Variants in DAB1 observed in about 807,000 individuals in gnomAD.
The protein encoded by DAB1 is disabled homolog 1.
Under a neutral mutation model 64.6 loss-of-function variants are expected in DAB1, and 15 were observed. The ratio of observed to expected loss-of-function variants is 0.23; its 90% CI spans 0.16 to 0.36. The LOEUF (loss-of-function observed/expected upper bound fraction) is 0.36, where lower values mean the gene tolerates loss of function less well. Among genes scored for constraint, DAB1 ranks in the 10% least tolerant of loss-of-function variants. The pLI is 1.00. For missense variants in DAB1, 596 were observed against 706.7 expected, an observed-to-expected ratio of 0.84 and a Z score of 1.78; for synonymous variants, 235 against 251.9, an observed-to-expected ratio of 0.93 and a Z score of 0.64.
At chr1:58,027,801 T>A (rs562250180) in intron 5 of DAB1, among the ~76,000 whole-genome samples, 2 of 152,278 alleles carry the variant, frequency 1.3e-5, no homozygotes, top group South Asian at 4.1e-4. Context: ...AAAAAAATCA[T>A]AATAATGGGT....
chr1:58,381,511 A>G (rs1222461613), intron 3 of DAB1, among the ~76,000 whole-genome samples: 1 of 152,244 alleles, frequency 6.6e-6, no homozygotes, highest in Admixed American at 6.5e-5. Flanking sequence ...ATGAAAGTCA[A>G]GAACCAGTTG....
intron 6 of DAB1, among the ~76,000 whole-genome samples, chr1:57,737,715 A>T (rs917002444): frequency 6.6e-6 from 1 of 152,188 alleles, no homozygotes; most frequent in Non-Finnish European, 1.5e-5. Flanking sequence ...GCTTTCTGAC[A>T]TGATTCTGTG....
chr1:58,300,629 AGAGAGAGAGAGAGAGAG>A (rs1662125828), intron 4 of DAB1, among the ~76,000 whole-genome samples: 10 of 59,316 alleles, frequency 1.7e-4, no homozygotes, highest in Non-Finnish European at 3.3e-4. Context: ...AGAGAGAGAG[AGAGAGAGAGAGAGAGAG>A]AGGAAGGAAG....
intron 5 of DAB1, chr1:58,048,581 C>G (rs1322504083): frequency 8.9e-6 from 9 of 1,007,324 alleles, no homozygotes; most frequent in Admixed American, 1.7e-5. Flanking sequence ...CCCACTGCCA[C>G]CATATCCACT....
At chr1:57,589,618 G>A (rs987183125) in intron 7 of DAB1, among the ~76,000 whole-genome samples, 9 of 152,010 alleles carry the variant, frequency 5.9e-5, no homozygotes, top group African/African-American at 2.2e-4. Flanking sequence ...TTAGCCAGGT[G>A]TGGTGGTGCA....
At chr1:57,155,609 T>A (rs1219098614) in intron 2 of DAB1, among the ~76,000 whole-genome samples, 1 of 152,102 alleles carries the variant, frequency 6.6e-6, no homozygotes, top group Admixed American at 6.5e-5. Flanking sequence ...AGGATTGTAT[T>A]GAATCTGGAG....
intron 7 of DAB1, among the ~76,000 whole-genome samples, chr1:57,554,290 T>C (rs182847722): frequency 2.5e-3 from 377 of 152,342 alleles, no homozygotes; most frequent in Non-Finnish European, 4.1e-3. Context: ...TGAATCCCAC[T>C]GTTCACTCTG....
chr1:57,631,302 C>T (rs1302711351), intron 7 of DAB1, among the ~76,000 whole-genome samples: 2 of 152,174 alleles, frequency 1.3e-5, no homozygotes, highest in African/African-American at 4.8e-5. Context: ...GTCTCTTCAC[C>T]ATTCTTCTGA....
intron 5 of DAB1, among the ~76,000 whole-genome samples, chr1:57,965,949 A>G (rs960831453): frequency 6.6e-6 from 1 of 151,906 alleles, no homozygotes; most frequent in Non-Finnish European, 1.5e-5. Flanking sequence ...GGGGGGGGAG[A>G]GGAAATCTGA....
At position 57,062,939 on chromosome 1, in the gene DAB1, G is replaced by T; in HGVS notation, c.668C>A (p.Pro223His). ...PETEENIYQV[P>H]TSQKKEGVYD... The stretch of plus-strand genomic sequence containing the variant: ...AACACCTTCCTTCTTTTGGCTGGTG[G>T]GAACCTATGGAAAAATTAAATTCAG... The change falls in exon 9 of 15, where the codon CCC (proline) becomes CAC (histidine). Residue 223 changes from proline to histidine, a missense_variant. By Grantham distance (77) the Pro-to-His change is moderately conservative (BLOSUM62 -2). This residue lies in a region of DAB1 where 176 missense variants were observed against 266.7 expected (regional missense o/e 0.66). Transcript: ENST00000371236. 6.2e-7 allele frequency: 1 copy of T among 1,613,944 alleles called. No individual in the cohort carries two copies. Among genetic ancestry groups the T allele is most frequent in the Non-Finnish European group, 8.5e-7 (1 of 1,179,864 alleles).
intron 6 of DAB1, among the ~76,000 whole-genome samples, chr1:57,698,112 G>C (rs1342217460): frequency 6.7e-6 from 1 of 150,352 alleles, no homozygotes; most frequent in Admixed American, 6.6e-5. Context: ...TTTAGACAGG[G>C]TCTTGTTCTG....
At chr1:58,101,723 G>A (rs1651335688) in intron 5 of DAB1, among the ~76,000 whole-genome samples, 1 of 152,156 alleles carries the variant, frequency 6.6e-6, no homozygotes, top group Non-Finnish European at 1.5e-5. Context: ...TGTAAATATA[G>A]TGGATATAGA....
intron 4 of DAB1, among the ~76,000 whole-genome samples, chr1:58,190,603 A>G (rs956678558): frequency 3.9e-5 from 6 of 152,136 alleles, no homozygotes; most frequent in African/African-American, 1.4e-4. Context: ...TGCTGGGAAA[A>G]TATCAGGTTA....
intron 6 of DAB1, among the ~76,000 whole-genome samples, chr1:57,656,712 A>G (rs902197325): frequency 5.3e-5 from 8 of 152,358 alleles, no homozygotes; most frequent in Admixed American, 5.2e-4. Context: ...GAGTAAAAAA[A>G]GACAATAGAT....
At chr1:57,250,723 G>A (rs1326823476) in intron 2 of DAB1, among the ~76,000 whole-genome samples, 1 of 152,086 alleles carries the variant, frequency 6.6e-6, no homozygotes, top group Non-Finnish European at 1.5e-5. Context: ...GGCAACAGCT[G>A]TTCACTAGTT....
intron 6 of DAB1, among the ~76,000 whole-genome samples, chr1:57,655,865 CT>C (rs1430865908): frequency 1.3e-5 from 2 of 152,148 alleles, no homozygotes; most frequent in African/African-American, 4.8e-5. Flanking sequence ...ACCTCTACCC[CT>C]AATGAGGTAA....
At chr1:57,408,043 C>T (rs183341142) in intron 1 of DAB1, among the ~76,000 whole-genome samples, 18 of 152,228 alleles carry the variant, frequency 1.2e-4, no homozygotes, top group Non-Finnish European at 2.5e-4. Context: ...TGTATGCCCA[C>T]GTCTCCTCTC....
At chr1:57,174,057 GA>G (rs1163163018) in intron 2 of DAB1, among the ~76,000 whole-genome samples, 5 of 152,132 alleles carry the variant, frequency 3.3e-5, no homozygotes, top group African/African-American at 1.2e-4. Context: ...CATGAAATTT[GA>G]TAAACTGATC....
intron 3 of DAB1, among the ~76,000 whole-genome samples, chr1:58,433,647 C>G (rs78954141): frequency 4.9e-4 from 48 of 98,448 alleles, no homozygotes; most frequent in Non-Finnish European, 6.3e-4. Flanking sequence ...TTGTCTGTGT[C>G]TGTGTGGAGG....
Sources: allele counts gnomAD v4.1 joint callset (sites outside exome capture counted in the v4.1 genomes callset), GRCh38; gene constraint gnomAD v4.1.1; regional missense constraint gnomAD v4.1.1; transcripts MANE v1.5; gene names NCBI Gene and HGNC (gene_info 2026-07-23, HGNC 2026-07-21).